The following PTPRZ1 variants were observed in gnomAD, a reference collection of about 807,000 sequenced individuals.
PTPRZ1 encodes the protein protein tyrosine phosphatase receptor type Z1.
PTPRZ1 carries 82 observed loss-of-function variants against 214.1 expected under a neutral mutation model. That is an observed-to-expected ratio of 0.38 (90% CI 0.32 to 0.46). The LOEUF is 0.46. Among genes scored for constraint, PTPRZ1 ranks in the 20% least tolerant of loss-of-function variants. The probability of loss-of-function intolerance (pLI) is 1.00; values close to 1 mark genes in which losing one functional copy is unlikely to be tolerated. For synonymous variants in PTPRZ1, 945 were observed against 987.9 expected, an observed-to-expected ratio of 0.96 and a Z score of 0.81; for missense variants, 2,603 against 2,748.7, an observed-to-expected ratio of 0.95 and a Z score of 1.19.
rs541902052 is a variant in PTPRZ1, at chr7:121,996,711, A to T, written c.1113+145A>T. On this transcript the variant is annotated intron_variant, in intron 9 of 29. Coordinates refer to ENST00000393386, the MANE Select transcript of PTPRZ1 (RefSeq NM_002851.3). ...GGGTAGGCTGAGTATTTTTAAATTT[A>T]AAAAAAAATTTTAAATTAGAAGCTA... 1.6e-4 allele frequency: 86 copies of T among 531,908 alleles called. No homozygotes were observed. The South Asian group carries it at 1.9e-3, about 12-fold the overall frequency. 32.9% of individuals were successfully genotyped at this position (531,908 alleles called of 1,614,324 possible).
At chr7:122,006,204 T>C (rs1584733960) in intron 11 of PTPRZ1, among the ~76,000 whole-genome samples, 1 of 152,102 alleles carries the variant, frequency 6.6e-6, no homozygotes, top group Non-Finnish European at 1.5e-5. Context: ...TCAGAGTAGT[T>C]TGCATATCCA....
intron 14 of PTPRZ1, 123 bp downstream of exon 14, chr7:122,028,766 T>C: frequency 1.5e-6 from 1 of 681,456 alleles, no homozygotes; most frequent in Non-Finnish European, 2.5e-6. Context: ...TAAATTTTTG[T>C]GTTGCCCCAA....
chr7:121,976,099 A>T, intron 4 of PTPRZ1, 74 bp from the exon 5 acceptor site: 2 of 1,002,958 alleles, frequency 2.0e-6, no homozygotes, highest in Non-Finnish European at 3.0e-6. Flanking sequence ...GGAAATACTT[A>T]GAATGTAGAA....
chr7:121,919,042 G>A (rs532049252), intron 1 of PTPRZ1, among the ~76,000 whole-genome samples: 2 of 151,928 alleles, frequency 1.3e-5, no homozygotes, highest in East Asian at 3.9e-4. Flanking sequence ...TTTAAAATAT[G>A]TTCTTTGGAA....
chr7:122,030,837 T>A (rs1156538560), intron 14 of PTPRZ1, among the ~76,000 whole-genome samples: 1 of 152,046 alleles, frequency 6.6e-6, no homozygotes, highest in African/African-American at 2.4e-5. Context: ...TCACAATTAA[T>A]TAACAGATCC....
chr7:121,898,312 A>G (rs1199614481), intron 1 of PTPRZ1, among the ~76,000 whole-genome samples: 1 of 151,858 alleles, frequency 6.6e-6, no homozygotes, highest in African/African-American at 2.4e-5. Context: ...AACAGCCTTC[A>G]ATGGAGAAAT....
At chr7:122,008,142 G>A (rs1335778075) in intron 11 of PTPRZ1, among the ~76,000 whole-genome samples, 4 of 152,060 alleles carry the variant, frequency 2.6e-5, no homozygotes, top group African/African-American at 9.7e-5. Context: ...CTTATAGGAG[G>A]ATATGATAAA....
intron 27 of PTPRZ1, among the ~76,000 whole-genome samples, chr7:122,058,314 T>C (rs1489620576): frequency 4.6e-5 from 7 of 152,022 alleles, no homozygotes; most frequent in South Asian, 4.1e-4. Context: ...TAAGTAAGAA[T>C]CAGAATTGGG....
chr7:121,933,311 G>A (rs28660593), intron 2 of PTPRZ1, among the ~76,000 whole-genome samples: 53,544 of 151,816 alleles, frequency 0.35, 10,185 homozygotes, highest in African/African-American at 0.49. Flanking sequence ...AGAAATGGGA[G>A]TACTTTAACT....
chr7:121,917,096 C>T (rs567059341), intron 1 of PTPRZ1, among the ~76,000 whole-genome samples: 3 of 152,192 alleles, frequency 2.0e-5, no homozygotes, highest in East Asian at 1.9e-4. Context: ...GCACAGTTTC[C>T]GCTCACTTCA....
chr7:122,039,535 C>G lies in PTPRZ1; in HGVS notation c.5584C>G (p.Leu1862Val). 6.2e-7 allele frequency: 1 copy of G among 1,613,904 alleles called. No individual in the cohort carries two copies. Among genetic ancestry groups the G allele is most frequent in the Non-Finnish European group, 8.5e-7 (1 of 1,179,918 alleles). ...GGTCACTCAGAAGAGTGTGCAAGTG[C>G]TTGCCTATTATACTGTGAGGAATTT... is the stretch of plus-strand genomic sequence containing the variant. ...FLVTQKSVQV[L>V]AYYTVRNFTL... The change falls in exon 20 of 30, where the codon CTT (leucine) becomes GTT (valine). Residue 1862 changes from leucine (L) to valine (V), a missense_variant. Leu to Val is a conservative substitution (Grantham distance 32, BLOSUM62 1). Transcript: ENST00000393386.
intron 2 of PTPRZ1, among the ~76,000 whole-genome samples, chr7:121,947,923 C>A (rs185804585): frequency 2.0e-3 from 306 of 152,246 alleles, no homozygotes; most frequent in African/African-American, 6.9e-3. Flanking sequence ...GAACTGAATT[C>A]TCGGTAGCTG....
intron 2 of PTPRZ1, among the ~76,000 whole-genome samples, chr7:121,946,527 A>G (rs1417482204): frequency 2.0e-5 from 3 of 152,192 alleles, no homozygotes; most frequent in Non-Finnish European, 2.9e-5. Flanking sequence ...GAGCTCCAAT[A>G]AACAGTGGTA....
intron 2 of PTPRZ1, among the ~76,000 whole-genome samples, chr7:121,942,735 G>A (rs983766608): frequency 6.6e-6 from 1 of 152,090 alleles, no homozygotes; most frequent in Non-Finnish European, 1.5e-5. Context: ...TAATGATTTT[G>A]GAGTTATCAC....
At position 121,918,186 on chromosome 7, in the gene PTPRZ1, G is replaced by A. The variant is rs539644800; in HGVS notation, c.59-9970G>A. Among the ~76,000 whole-genome samples the A allele has an allele frequency of 1.2e-4, 19 of 152,236 alleles. No individual in the cohort carries two copies. The South Asian group carries it at 3.7e-3, about 30-fold the overall frequency. On this transcript the variant is annotated intron_variant, in intron 1 of 29. Coordinates refer to ENST00000393386, the MANE Select transcript of PTPRZ1 (RefSeq NM_002851.3). ...TCCTGACAGCAACTTAACATGACCC[G>A]CACCTATTTTAGAACAGGTTGTTAA...
intron 26 of PTPRZ1, 45 bp downstream of exon 26, chr7:122,054,083 A>G: frequency 6.2e-7 from 1 of 1,601,286 alleles, no homozygotes; most frequent in Non-Finnish European, 8.5e-7. Flanking sequence ...ACAGAGGAAT[A>G]TCAGGTTACA....
chr7:121,901,682 G>A (rs1032250021), intron 1 of PTPRZ1, among the ~76,000 whole-genome samples: 1 of 152,074 alleles, frequency 6.6e-6, no homozygotes, highest in Non-Finnish European at 1.5e-5. Context: ...GAGTGTAGAA[G>A]ATTATTTTAT....
At position 122,058,802 on chromosome 7, in the gene PTPRZ1, T is replaced by C; in HGVS notation, c.6531T>C (p.Asp2177=). 6.2e-7 allele frequency: 1 copy of C among 1,603,098 alleles called. No individual in the cohort carries two copies. ...TACTTTGTGTTTTCTTGTTATAGGA[T>C]GATTATGTACTTGAAGTGAGGCACT... is the stretch of plus-strand genomic sequence containing the variant. ...IQDFILEATQ[D]DYVLEVRHFQ... Residue 2177 remains aspartate, a splice_region_variant and synonymous_variant, in exon 28 of 30, where the codon GAT becomes GAC. Transcript: ENST00000393386.
At chr7:121,876,198 A>G (rs536883990) in intron 1 of PTPRZ1, among the ~76,000 whole-genome samples, 8 of 152,326 alleles carry the variant, frequency 5.3e-5, no homozygotes, top group Admixed American at 4.6e-4. Flanking sequence ...GAATACATGA[A>G]CCAAAACAAA....
Sources: gnomAD v4.1 joint callset for allele counts (sites outside exome capture counted in the v4.1 genomes callset) on GRCh38, gnomAD v4.1.1 for gene constraint, MANE v1.5 for transcripts, NCBI Gene and HGNC (gene_info 2026-07-23, HGNC 2026-07-21) for gene names.